Variants in DGCR2 observed in about 807,000 individuals in gnomAD.
DGCR2 encodes the protein integral membrane protein DGCR2/IDD.
DGCR2 carries 24 observed loss-of-function variants against 51.6 expected under a neutral mutation model. The observed-to-expected ratio is 0.47, with a 90% CI of 0.34 to 0.65. The LOEUF is 0.65. Among genes scored for constraint, DGCR2 ranks in the 30% least tolerant of loss-of-function variants. The pLI, the probability that DGCR2 is intolerant of heterozygous loss-of-function variation, is 0.01. For missense variants in DGCR2, 765 were observed against 772.1 expected, an observed-to-expected ratio of 0.99 and a Z score of 0.11; for synonymous variants, 340 against 315.4, an observed-to-expected ratio of 1.08 and a Z score of -0.82.
chr22:19,113,576 C>T (rs1263665566), intron 1 of DGCR2, among the ~76,000 whole-genome samples: 1 of 152,054 alleles, frequency 6.6e-6, no homozygotes. Flanking sequence ...TGGGAAAATG[C>T]CCCATTCCAG....
chr22:19,068,958 G>A (rs552215482), intron 2 of DGCR2, among the ~76,000 whole-genome samples: 103 of 152,352 alleles, frequency 6.8e-4, no homozygotes, highest in African/African-American at 2.4e-3. Context: ...TTGTGAAAAA[G>A]GAGAACCACA....
chr22:19,097,561 A>G (rs2083155976), intron 1 of DGCR2, among the ~76,000 whole-genome samples: 1 of 152,148 alleles, frequency 6.6e-6, no homozygotes, highest in Non-Finnish European at 1.5e-5. Context: ...CGAAAAAAAA[A>G]GTAAAGCTTC....
intron 2 of DGCR2, among the ~76,000 whole-genome samples, chr22:19,088,481 G>A (rs80030122): frequency 0.016 from 2,492 of 152,224 alleles, 88 homozygotes; most frequent in East Asian, 0.062. Context: ...AATGGGGTGG[G>A]CACAAGAAAC....
intron 6 of DGCR2, among the ~76,000 whole-genome samples, chr22:19,049,050 G>A (rs1400146380): frequency 6.6e-6 from 1 of 152,204 alleles, no homozygotes; most frequent in African/African-American, 2.4e-5. Flanking sequence ...TTAGAACAAA[G>A]TACATCTAGC....
intron 1 of DGCR2, among the ~76,000 whole-genome samples, chr22:19,099,533 C>T (rs1212847216): frequency 4.6e-5 from 7 of 151,988 alleles, no homozygotes; most frequent in African/African-American, 1.2e-4. Flanking sequence ...CAGTGAGTCA[C>T]GATCACACCA....
intron 9 of DGCR2, 30 bp downstream of exon 9, chr22:19,041,028 G>A (rs2082424514): frequency 6.5e-7 from 1 of 1,545,082 alleles, no homozygotes; most frequent in Non-Finnish European, 8.8e-7. Context: ...TACTTGACAA[G>A]GTGTTCCCTC....
At chr22:19,041,556 C>T in intron 8 of DGCR2, 1 of 594,500 alleles carries the variant, frequency 1.7e-6, no homozygotes, top group Non-Finnish European at 3.0e-6. Flanking sequence ...CACACCCCTC[C>T]AGCTGGAAGG....
At chr22:19,086,719 G>A (rs1042343238) in intron 2 of DGCR2, among the ~76,000 whole-genome samples, 7 of 151,990 alleles carry the variant, frequency 4.6e-5, no homozygotes, top group Admixed American at 1.3e-4. Flanking sequence ...CGTAACTTTC[G>A]GCTTCTATGA....
At chr22:19,062,494 C>T (rs2238745) in intron 5 of DGCR2, among the ~76,000 whole-genome samples, 74,789 of 151,866 alleles carry the variant, frequency 0.49, 19,563 homozygotes, top group African/African-American at 0.68. Flanking sequence ...GATGTGTTTA[C>T]GAAAAGAACC....
At chr22:19,059,868 C>A (rs568161780) in intron 5 of DGCR2, among the ~76,000 whole-genome samples, 52 of 152,166 alleles carry the variant, frequency 3.4e-4, no homozygotes, top group African/African-American at 1.3e-3. Flanking sequence ...CCGCTGCTCG[C>A]CGAGCCTGGA....
At chr22:19,106,131 C>G (rs1175479414) in intron 1 of DGCR2, among the ~76,000 whole-genome samples, 1 of 152,184 alleles carries the variant, frequency 6.6e-6, no homozygotes, top group Non-Finnish European at 1.5e-5. Flanking sequence ...CCGTGCAACC[C>G]TGCTCAGCCT....
chr22:19,042,102 A>T, intron 7 of DGCR2, 143 bp from the exon 8 acceptor site: 1 of 994,740 alleles, frequency 1.0e-6, no homozygotes, highest in Non-Finnish European at 1.4e-6. Context: ...TTTAGGATAC[A>T]TGTGAAATAA....
chr22:19,047,316 A>G (rs2000996), intron 7 of DGCR2: 75,077 of 151,998 alleles, frequency 0.49, 19,631 homozygotes, highest in African/African-American at 0.68. Flanking sequence ...GCAGCCCCCC[A>G]GTGTGGAGGG....
chr22:19,039,182 G>A (rs1375004229), intron 9 of DGCR2, 61 bp from the exon 10 acceptor site: 6 of 1,593,652 alleles, frequency 3.8e-6, no homozygotes, highest in Middle Eastern at 2.1e-4. Flanking sequence ...GGGATGCAGG[G>A]GAGCTAGGCA....
At position 19,079,128 on chromosome 22, in the gene DGCR2, C is replaced by T. The variant is rs189547793; in HGVS notation, c.202+10240G>A. ...TTAATGTACAATTCTTAACAGTATTCTCTTATAATCCTGGCATCAAGTAAT... is the reference window on the plus strand; with the variant it reads ...TTAATGTACAATTCTTAACAGTATTTTCTTATAATCCTGGCATCAAGTAAT... On this transcript the variant is annotated intron_variant, in intron 2 of 9. Coordinates refer to ENST00000263196, the MANE Select transcript of DGCR2 (RefSeq NM_005137.3). Among the ~76,000 whole-genome samples, 107 of 152,262 alleles carry T rather than the reference C, an allele frequency of 7.0e-4. 1 individual carries two copies. Among genetic ancestry groups the T allele is most frequent in the Admixed American group, 3.7e-3 (57 of 15,290 alleles).
At chr22:19,047,781 C>T (rs1176444443) in intron 7 of DGCR2, 1 of 152,882 alleles carries the variant, frequency 6.5e-6, no homozygotes, top group African/African-American at 2.4e-5. Context: ...GAGAATAATA[C>T]TTCATCTTTT....
chr22:19,116,742 C>T (rs776568413), intron 1 of DGCR2, among the ~76,000 whole-genome samples: 2 of 152,120 alleles, frequency 1.3e-5, no homozygotes, highest in African/African-American at 2.4e-5. Context: ...AAATGCCAAT[C>T]GGGTCGTCCT....
intron 1 of DGCR2, among the ~76,000 whole-genome samples, chr22:19,091,877 A>G (rs1055826069): frequency 6.6e-6 from 1 of 151,964 alleles, no homozygotes; most frequent in South Asian, 2.1e-4. Context: ...AAAAAAAGGA[A>G]ATTACAAAAG....
At position 19,041,140 on chromosome 22, in the gene DGCR2, G is replaced by A. The variant is rs1488843406; in HGVS notation, c.1314C>T (p.Tyr438=). ...GGTCGTCGGGCTGGCCGATGTCCGGGTACTTGTATGCCGTGTAGGGAGGTG... is the reference window on the plus strand; with the variant it reads ...GGTCGTCGGGCTGGCCGATGTCCGGATACTTGTATGCCGTGTAGGGAGGTG... ...DPPPPYTAYK[Y]PDIGQPDDPP... Residue 438 remains tyrosine, a synonymous_variant, in exon 9 of 10, where the codon TAC becomes TAT. Transcript: ENST00000263196. The A allele has an allele frequency of 1.2e-6, 2 of 1,613,916 alleles. No homozygotes were observed. The highest frequency in any genetic ancestry group is 1.7e-6 in the Non-Finnish European group (2 of 1,179,972).
Sources: gnomAD v4.1 joint callset for allele counts (sites outside exome capture counted in the v4.1 genomes callset) on GRCh38, gnomAD v4.1.1 for gene constraint, MANE v1.5 for transcripts, NCBI Gene and HGNC (gene_info 2026-07-23, HGNC 2026-07-21) for gene names.